The following NMNAT3 variants were observed in gnomAD, a reference collection of about 807,000 sequenced individuals.
NMNAT3 encodes nicotinamide nucleotide adenylyltransferase 3, also known as nicotinamide/nicotinic acid mononucleotide adenylyltransferase 3.
In NMNAT3, 21 loss-of-function variants were observed where a neutral mutation model predicts 24.8. The ratio of observed to expected loss-of-function variants is 0.85; its 90% confidence interval spans 0.60 to 1.22. The LOEUF is 1.22. Among genes scored for constraint, NMNAT3 ranks in the 50% most tolerant of loss-of-function variants. The pLI is 0.00. For missense variants in NMNAT3, 387 were observed against 436.6 expected, an observed-to-expected ratio of 0.89 and a Z score of 1.01; for synonymous variants, 136 against 155.2, an observed-to-expected ratio of 0.88 and a Z score of 0.92.
chr3:139,637,451 G>T (rs754042342), intron 2 of NMNAT3: 1 of 152,192 alleles, frequency 6.6e-6, no homozygotes, highest in Non-Finnish European at 1.5e-5. Flanking sequence ...AAGTACAACT[G>T]GTCTCTATGT....
At chr3:139,640,860 C>A (rs1308671239) in intron 1 of NMNAT3, among the ~76,000 whole-genome samples, 1 of 152,216 alleles carries the variant, frequency 6.6e-6, no homozygotes, top group East Asian at 1.9e-4. Flanking sequence ...CAGATAACTG[C>A]AAATCTAGGC....
At chr3:139,562,749 C>T (rs933106870) in intron 6 of NMNAT3, among the ~76,000 whole-genome samples, 4 of 152,148 alleles carry the variant, frequency 2.6e-5, no homozygotes, top group African/African-American at 7.2e-5. Flanking sequence ...GCTGTGCGGC[C>T]AGAGCCAAGA....
intron 1 of NMNAT3, among the ~76,000 whole-genome samples, chr3:139,656,306 C>T (rs985345481): frequency 6.6e-6 from 1 of 152,154 alleles, no homozygotes; most frequent in African/African-American, 2.4e-5. Flanking sequence ...TAAATGAGAT[C>T]ACAACCATGG....
intron 1 of NMNAT3, among the ~76,000 whole-genome samples, chr3:139,663,605 C>G (rs1411148931): frequency 6.6e-6 from 1 of 152,204 alleles, no homozygotes; most frequent in African/African-American, 2.4e-5. Context: ...CTTAACTCCT[C>G]TGGCCTCAGC....
chr3:139,578,715 G>A (rs978728097), intron 5 of NMNAT3, among the ~76,000 whole-genome samples, 157 bp downstream of exon 5: 1 of 148,006 alleles, frequency 6.8e-6, no homozygotes, highest in African/African-American at 2.4e-5. Flanking sequence ...TGAATCTGTT[G>A]ATCTCTCTCC....
At chr3:139,653,455 TCTTTC>T (rs2057125776) in intron 1 of NMNAT3, among the ~76,000 whole-genome samples, 1 of 152,242 alleles carries the variant, frequency 6.6e-6, no homozygotes, top group Non-Finnish European at 1.5e-5. Flanking sequence ...CAAAACCTAC[TCTTTC>T]CTTTTATACT....
At chr3:139,634,243 A>C (rs965935544) in intron 2 of NMNAT3, 7 of 152,262 alleles carry the variant, frequency 4.6e-5, no homozygotes, top group Admixed American at 4.6e-4. Context: ...CTTGGGAGGC[A>C]GTCAATTTAC....
rs140074564 is a variant in NMNAT3, at chr3:139,575,018, G to A, written c.576-1338C>T. Among the ~76,000 whole-genome samples the A allele has an allele frequency of 8.4e-3, 1,279 of 152,206 alleles. 15 individuals are homozygous for A. Among genetic ancestry groups the A allele is most frequent in the Non-Finnish European group, 9.4e-3 (642 of 68,022 alleles). On this transcript the variant is annotated intron_variant, in intron 5 of 6. Coordinates refer to ENST00000643695, the MANE Select transcript of NMNAT3 (RefSeq NM_001320510.2). ...AGCTGGTGTGAGGATTAATTGAAAC[G>A]CTTAGCACCAGCCCATATACAGAAA... is the stretch of plus-strand genomic sequence containing the variant.
In NMNAT3 at chr3:139,560,973, C is replaced by A. The variant is rs1434883017; in HGVS notation, c.*37G>T. 6.3e-7 allele frequency: 1 copy of A among 1,581,080 alleles called. No homozygotes were observed. The highest frequency in any genetic ancestry group is 1.8e-5 in the Admixed American group (1 of 57,064). On this transcript the variant is annotated 3_prime_UTR_variant, in exon 7 of 7. Transcript: ENST00000643695. Reference sequence around the variant, plus strand: ...TTAACAGCCCTCTCCCCAGCAGGAGCTTGTTGGAGGAGGTGTGGGTGCTGA... The same window carrying A: ...TTAACAGCCCTCTCCCCAGCAGGAGATTGTTGGAGGAGGTGTGGGTGCTGA...
intron 3 of NMNAT3, chr3:139,599,518 A>G (rs1291328987): frequency 4.6e-6 from 3 of 651,634 alleles, no homozygotes; most frequent in Non-Finnish European, 8.2e-6. Context: ...ATCAAGTAAC[A>G]AAGAAGCTTG....
chr3:139,580,128 A>G (rs906677789), intron 4 of NMNAT3, among the ~76,000 whole-genome samples: 1 of 152,138 alleles, frequency 6.6e-6, no homozygotes, highest in Non-Finnish European at 1.5e-5. Context: ...AGCGTTGGAG[A>G]GTTCTCTCTT....
chr3:139,658,959 T>C (rs2057332075), intron 1 of NMNAT3, among the ~76,000 whole-genome samples: 1 of 152,126 alleles, frequency 6.6e-6, no homozygotes, highest in Non-Finnish European at 1.5e-5. Flanking sequence ...GCAGCCACTA[T>C]TCTAAGTTTT....
chr3:139,605,040 A>AT (rs997167042), intron 3 of NMNAT3, among the ~76,000 whole-genome samples: 3 of 151,724 alleles, frequency 2.0e-5, no homozygotes, highest in Non-Finnish European at 4.4e-5. Flanking sequence ...TCCTTATCCC[A>AT]TAACTTATCA....
At chr3:139,572,920 C>T (rs756049645) in intron 6 of NMNAT3, among the ~76,000 whole-genome samples, 2 of 152,164 alleles carry the variant, frequency 1.3e-5, no homozygotes, top group African/African-American at 2.4e-5. Flanking sequence ...GAGACCCTGC[C>T]GTAGGAAATT....
At chr3:139,635,898 T>C (rs1408599658) in intron 2 of NMNAT3, 1 of 152,262 alleles carries the variant, frequency 6.6e-6, no homozygotes, top group Non-Finnish European at 1.5e-5. Context: ...GGTCAGGCAC[T>C]GTCCTTAAAA....
intron 6 of NMNAT3, among the ~76,000 whole-genome samples, chr3:139,572,500 T>C (rs1022419331): frequency 1.3e-5 from 2 of 152,204 alleles, no homozygotes; most frequent in Admixed American, 6.5e-5. Flanking sequence ...TCCAGATTCC[T>C]GGGCTCTACT....
At chr3:139,570,137 G>A (rs1364132292) in intron 6 of NMNAT3, 2 of 152,006 alleles carry the variant, frequency 1.3e-5, no homozygotes, top group Non-Finnish European at 1.5e-5. Flanking sequence ...GATCGCATCG[G>A]CTCCTGAGGC....
At chr3:139,581,281 A>G (rs1940137067) in intron 4 of NMNAT3, among the ~76,000 whole-genome samples, 1 of 131,528 alleles carries the variant, frequency 7.6e-6, no homozygotes, top group Non-Finnish European at 1.6e-5. Flanking sequence ...GGGAAATTTG[A>G]ATATGGACAG....
chr3:139,569,482 A>G (rs1230203067), intron 6 of NMNAT3: 4 of 152,074 alleles, frequency 2.6e-5, no homozygotes, highest in East Asian at 1.9e-4. Flanking sequence ...GGCTGGTACC[A>G]GTTGTTCCTT....
Sources: allele counts gnomAD v4.1 joint callset (sites outside exome capture counted in the v4.1 genomes callset), GRCh38; gene constraint gnomAD v4.1.1; transcripts MANE v1.5; gene names NCBI Gene and HGNC (gene_info 2026-07-23, HGNC 2026-07-21).